The following GPD1L variants were observed in gnomAD, a reference collection of about 807,000 sequenced individuals.
GPD1L encodes the protein glycerol-3-phosphate dehydrogenase 1 like.
A neutral mutation model predicts 32.9 loss-of-function variants in GPD1L; 17 were observed. The observed-to-expected ratio is 0.52, with a 90% CI of 0.35 to 0.78. The LOEUF is 0.78. Ranked by LOEUF, GPD1L falls within the 30% of genes least tolerant of loss-of-function variation. The pLI, the probability that GPD1L is intolerant of heterozygous loss-of-function variation, is 0.01. For synonymous variants in GPD1L, 187 were observed against 165.9 expected, an observed-to-expected ratio of 1.13 and a Z score of -0.98; for missense variants, 361 against 447.8, an observed-to-expected ratio of 0.81 and a Z score of 1.75.
Position 32,159,636 on chromosome 3 carries a change from A to T in GPD1L, c.921A>T (p.Glu307Asp). ...QKLQGPQTSA[E>D]VYRILKQKGL... ...TCCAAGGACCGCAGACTTCTGCTGA[A>T]GTGTACCGCATCCTCAAACAGAAGG... Residue 307 changes from glutamate to aspartate, a missense_variant, in exon 7 of 8, where the codon GAA (glutamate) becomes GAT (aspartate). Physicochemically the swap from Glu to Asp is conservative, Grantham distance 45 (BLOSUM62 2). Coordinates refer to ENST00000282541, the MANE Select transcript of GPD1L (RefSeq NM_015141.4). 6.2e-7 allele frequency: 1 copy of T among 1,612,708 alleles called. No homozygotes were observed. Among genetic ancestry groups the T allele is most frequent in the South Asian group, 1.1e-5 (1 of 91,066 alleles).
In GPD1L at chr3:32,161,746, A is replaced by C. The variant is rs542301224; in HGVS notation, c.959+2072A>C. On this transcript the variant is annotated intron_variant, in intron 7 of 7. Transcript: ENST00000282541. ...AGGTAAATCTCTGCTCTGAGCAGAC[A>C]TCTCTCCTTGGTCATGTCCCATTTT... Among the ~76,000 whole-genome samples, 78 of 152,302 alleles carry C rather than the reference A, an allele frequency of 5.1e-4. 1 individual carries two copies. Among genetic ancestry groups the C allele is most frequent in the Non-Finnish European group, 7.4e-5 (5 of 68,020 alleles).
Position 32,159,074 on chromosome 3 carries a change from C to T in GPD1L, c.817C>T (p.Arg273Cys), listed in dbSNP as rs72552294. 5.7e-5 allele frequency: 92 copies of T among 1,613,638 alleles called. No homozygotes were observed. Among genetic ancestry groups the T allele is most frequent in the Non-Finnish European group, 7.3e-5 (86 of 1,180,038 alleles). Residue 273 changes from arginine (R) to cysteine (C), a missense_variant, in exon 6 of 8, where the codon CGC (arginine) becomes TGC (cysteine). By Grantham distance (180) the Arg-to-Cys change is radical. Coordinates refer to ENST00000282541, the MANE Select transcript of GPD1L (RefSeq NM_015141.4). ...LITTCYGGRNRRVAEAFARTG... is the reference protein window; with the variant it reads ...LITTCYGGRNCRVAEAFARTG... ...CACCACCTGTTACGGAGGGCGGAAC[C>T]GCAGGGTGGCCGAGGCCTTCGCCAG...
chr3:32,165,877 G>T lies in GPD1L; in HGVS notation c.1023G>T (p.Leu341Phe), dbSNP rs754464223. 6.2e-7 allele frequency: 1 copy of T among 1,605,888 alleles called. No individual in the cohort carries two copies. The highest frequency in any genetic ancestry group is 1.1e-5 in the South Asian group (1 of 90,918). ...CYESRPVQEM[L>F]SCLQSHPEHT ...AAAGCAGACCAGTTCAAGAGATGTT[G>T]TCTTGTCTTCAGAGCCATCCAGAGC... The change falls in exon 8 of 8, where the codon TTG becomes TTT. Residue 341 changes from leucine to phenylalanine, a missense_variant. By Grantham distance (22) the Leu-to-Phe change is conservative (BLOSUM62 0). Transcript: ENST00000282541.
intron 1 of GPD1L, among the ~76,000 whole-genome samples, chr3:32,124,495 CA>C (rs1236351238): frequency 1.3e-5 from 2 of 152,220 alleles, no homozygotes; most frequent in African/African-American, 4.8e-5. Context: ...TCACATTGGT[CA>C]GAAGAGGTAA....
intron 1 of GPD1L, among the ~76,000 whole-genome samples, chr3:32,115,303 T>A (rs541957220): frequency 6.6e-6 from 1 of 152,246 alleles, no homozygotes; most frequent in East Asian, 1.9e-4. Flanking sequence ...AGAGTACTGA[T>A]TGGTGCATTT....
intron 4 of GPD1L, among the ~76,000 whole-genome samples, chr3:32,142,244 A>G (rs1465377123): frequency 6.6e-6 from 1 of 151,624 alleles, no homozygotes; most frequent in Non-Finnish European, 1.5e-5. Context: ...TCAGCCTCCC[A>G]AGTAGCTGGA....
At chr3:32,144,479 A>G (rs75292677) in intron 4 of GPD1L, among the ~76,000 whole-genome samples, 24,012 of 152,182 alleles carry the variant, frequency 0.16, 2,217 homozygotes, top group African/African-American at 0.25. Flanking sequence ...TGGAATCACA[A>G]ACTAAAATAA....
Position 32,159,105 on chromosome 3 carries a change from G to C in GPD1L, c.848G>C (p.Gly283Ala). The C allele has an allele frequency of 6.2e-7, 1 of 1,612,264 alleles. No homozygotes were observed. The change falls in exon 6 of 8, where the codon GGG (glycine) becomes GCG (alanine). Residue 283 changes from glycine (G) to alanine (A), a missense_variant. Physicochemically the swap from Gly to Ala is moderately conservative, Grantham distance 60. Coordinates refer to ENST00000282541, the MANE Select transcript of GPD1L (RefSeq NM_015141.4). ...RRVAEAFART[G>A]KTIEELEKEM... ...GTGGCCGAGGCCTTCGCCAGAACTG[G>C]GAAGGTAGCCCCTCACCTGCTCTCC...
At chr3:32,145,676 G>A (rs1201861091) in intron 4 of GPD1L, among the ~76,000 whole-genome samples, 1 of 152,172 alleles carries the variant, frequency 6.6e-6, no homozygotes, top group African/African-American at 2.4e-5. Context: ...TGATGTAGGG[G>A]CCAGGGGCTG....
At chr3:32,159,202 G>T in intron 6 of GPD1L, 93 bp downstream of exon 6, 1 of 912,884 alleles carries the variant, frequency 1.1e-6, no homozygotes, top group Non-Finnish European at 1.8e-6. Context: ...TTTCATGCCA[G>T]CATCTATTTG....
At chr3:32,119,405 C>T (rs945496327) in intron 1 of GPD1L, among the ~76,000 whole-genome samples, 2 of 152,168 alleles carry the variant, frequency 1.3e-5, no homozygotes, top group Non-Finnish European at 2.9e-5. Flanking sequence ...AACATTCTAT[C>T]ATAAGCATTT....
chr3:32,109,616 C>G (rs143416851), intron 1 of GPD1L, among the ~76,000 whole-genome samples: 17 of 152,316 alleles, frequency 1.1e-4, no homozygotes, highest in Middle Eastern at 3.4e-3. Context: ...CAGAGTTACT[C>G]CAGTCCTAGA....
Position 32,106,825 on chromosome 3 carries a change from C to A in GPD1L, c.47+67C>A. On this transcript the variant is annotated intron_variant, in intron 1 of 7. Transcript: ENST00000282541. The surrounding 1 kb of genome is among the most constrained non-coding windows in gnomAD (Gnocchi z 4.0). ...AAGCGCCTCTCCCGGGCGGTGAGGG[C>A]TGCGCGCCCCATGCTGCGGCGTGGG... is the stretch of plus-strand genomic sequence containing the variant. 2 of 1,423,480 alleles carry A rather than the reference C, an allele frequency of 1.4e-6. No individual in the cohort carries two copies. Among genetic ancestry groups the A allele is most frequent in the East Asian group, 2.8e-5 (1 of 36,000 alleles). 88.2% of individuals were successfully genotyped at this position (1,423,480 alleles called of 1,614,324 possible). A position where few individuals can be genotyped will look rare whatever the true frequency, so the allele number is the denominator to read the frequency against.
At chr3:32,152,543 A>G (rs1284135612) in intron 5 of GPD1L, among the ~76,000 whole-genome samples, 1 of 152,160 alleles carries the variant, frequency 6.6e-6, no homozygotes, top group African/African-American at 2.4e-5. Context: ...ACCCTCATGC[A>G]ACAGAGGAAT....
chr3:32,125,683 AG>A (rs1700496914), intron 1 of GPD1L, among the ~76,000 whole-genome samples: 1 of 152,176 alleles, frequency 6.6e-6, no homozygotes, highest in Non-Finnish European at 1.5e-5. Flanking sequence ...TACCACACAC[AG>A]CATCATGAAT....
In GPD1L at chr3:32,158,942, G is replaced by T; in HGVS notation, c.685G>T (p.Val229Phe). 1.2e-6 allele frequency: 2 copies of T among 1,614,168 alleles called. No individual in the cohort carries two copies. The highest frequency in any genetic ancestry group is 1.7e-6 in the Non-Finnish European group (2 of 1,180,044). ...CTGTGGAGACAACACCAAAGCGGCC[G>T]TCATCCGCCTGGGACTCATGGAAAT... ...LRCGDNTKAA[V>F]IRLGLMEMIA... is the part of the protein sequence containing the mutation. The change falls in exon 6 of 8, where the codon GTC becomes TTC. Residue 229 changes from valine (V) to phenylalanine (F), a missense_variant. Physicochemically the swap from Val to Phe is conservative, Grantham distance 50. Coordinates refer to ENST00000282541, the MANE Select transcript of GPD1L (RefSeq NM_015141.4).
In GPD1L at chr3:32,168,486, A is replaced by G. The variant is rs1373196300; in HGVS notation, c.*2576A>G. ...AATCCACCCTAGGAGACGGAGTCAA[A>G]CTAAACTTGTGGTTTTTCATTTAAC... On this transcript the variant is annotated 3_prime_UTR_variant, in exon 8 of 8. Coordinates refer to ENST00000282541, the MANE Select transcript of GPD1L (RefSeq NM_015141.4). The G allele has an allele frequency of 6.6e-6, 1 of 152,668 alleles. No individual in the cohort carries two copies. The highest frequency in any genetic ancestry group is 1.9e-4 in the East Asian group (1 of 5,196). The allele number at this position is 152,668 out of a possible 1,614,324, so 9.5% of individuals were successfully genotyped here.
intron 3 of GPD1L, among the ~76,000 whole-genome samples, chr3:32,139,984 C>T (rs2125486046): frequency 6.6e-6 from 1 of 152,292 alleles, no homozygotes; most frequent in South Asian, 2.1e-4. Flanking sequence ...GGAGGATGAA[C>T]TTGAGAGGAG....
intron 2 of GPD1L, among the ~76,000 whole-genome samples, chr3:32,131,142 G>C (rs1197883171): frequency 1.3e-5 from 2 of 152,142 alleles, no homozygotes; most frequent in Non-Finnish European, 2.9e-5. Flanking sequence ...CAAGGTAGAG[G>C]ATTCTTTTGC....
Sources: gnomAD v4.1 joint callset for allele counts (sites outside exome capture counted in the v4.1 genomes callset) on GRCh38, gnomAD v4.1.1 for gene constraint, Gnocchi (gnomAD v3.1) non-coding constraint, MANE v1.5 for transcripts, NCBI Gene and HGNC (gene_info 2026-07-23, HGNC 2026-07-21) for gene names.